Variants in SLC35A1 observed in about 807,000 individuals in gnomAD.
SLC35A1 encodes the protein CMP-sialic acid transporter.
Under a neutral mutation model 40.3 loss-of-function variants are expected in SLC35A1, and 21 were observed. The ratio of observed to expected loss-of-function variants is 0.52; its 90% CI spans 0.37 to 0.75. The LOEUF is 0.75. Ranked by LOEUF, SLC35A1 falls within the 30% of genes least tolerant of loss-of-function variation. SLC35A1 has a pLI of 0.00. For synonymous variants in SLC35A1, 146 were observed against 147.3 expected, an observed-to-expected ratio of 0.99 and a Z score of 0.06; for missense variants, 297 against 382.1, an observed-to-expected ratio of 0.78 and a Z score of 1.86.
chr6:87,496,332 A>G (rs2127972099), intron 2 of SLC35A1, among the ~76,000 whole-genome samples: 1 of 152,322 alleles, frequency 6.6e-6, no homozygotes, highest in East Asian at 1.9e-4. Context: ...CAAATAGAAA[A>G]TTTAACAAGG....
In SLC35A1 at chr6:87,509,082, A is replaced by G; in HGVS notation, c.793A>G (p.Lys265Glu). ...VGGLYTSVVV[K>E]YTDNIMKGFS... ...TGGCCTCTACACTTCTGTTGTGGTT[A>G]AGTACACAGACAACATCATGAAAGG... Residue 265 changes from lysine to glutamate, a missense_variant, in exon 7 of 8, where the codon AAG becomes GAG. Lys to Glu is a moderately conservative substitution (Grantham distance 56). Transcript: ENST00000369552. 1.2e-6 allele frequency: 2 copies of G among 1,614,024 alleles called. No homozygotes were observed. The highest frequency in any genetic ancestry group is 1.7e-6 in the Non-Finnish European group (2 of 1,179,896).
At chr6:87,487,196 A>G (rs116901217) in intron 2 of SLC35A1, among the ~76,000 whole-genome samples, 2,390 of 152,250 alleles carry the variant, frequency 0.016, 37 homozygotes, top group South Asian at 0.03. Context: ...AAAGAAAAAG[A>G]AAGTCATTAA....
At position 87,511,612 on chromosome 6, in the gene SLC35A1, C is replaced by G; in HGVS notation, c.*86C>G. 6.9e-7 allele frequency: 1 copy of G among 1,442,140 alleles called. No individual in the cohort carries two copies. The highest frequency in any genetic ancestry group is 9.8e-7 in the Non-Finnish European group (1 of 1,025,302). The allele number at this position is 1,442,140 out of a possible 1,614,324, so 89.3% of individuals were successfully genotyped here. A position where few individuals can be genotyped will look rare whatever the true frequency, so the allele number is the denominator to read the frequency against. On this transcript the variant is annotated 3_prime_UTR_variant, in exon 8 of 8. Transcript: ENST00000369552. Reference sequence around the variant, plus strand: ...AGTCAATCTCAGAAGGTAGCATAAACAAATAAAAATTAACTGTATGGCATG... The same window carrying G: ...AGTCAATCTCAGAAGGTAGCATAAAGAAATAAAAATTAACTGTATGGCATG...
intron 2 of SLC35A1, among the ~76,000 whole-genome samples, chr6:87,495,524 C>G (rs1195330964): frequency 6.6e-6 from 1 of 152,042 alleles, no homozygotes; most frequent in Non-Finnish European, 1.5e-5. Context: ...TTTTCAGTAC[C>G]CTTTTGTACC....
chr6:87,478,873 C>T (rs1055995237), intron 2 of SLC35A1, among the ~76,000 whole-genome samples: 1 of 152,134 alleles, frequency 6.6e-6, no homozygotes, highest in Non-Finnish European at 1.5e-5. Flanking sequence ...TGAGCGCACA[C>T]CTGGACAAGG....
chr6:87,505,200 A>G (rs1402907027), intron 4 of SLC35A1, among the ~76,000 whole-genome samples: 2 of 152,148 alleles, frequency 1.3e-5, no homozygotes, highest in African/African-American at 4.8e-5. Flanking sequence ...CAGGTACCAT[A>G]AAGTGGCACT....
intron 2 of SLC35A1, among the ~76,000 whole-genome samples, chr6:87,494,596 T>A (rs186867407): frequency 6.6e-6 from 1 of 152,044 alleles, no homozygotes; most frequent in Admixed American, 6.5e-5. Context: ...CTATTTTTTT[T>A]TGTATTTTTT....
At chr6:87,505,427 T>C (rs59361639) in intron 4 of SLC35A1, among the ~76,000 whole-genome samples, 4,871 of 152,352 alleles carry the variant, frequency 0.032, 107 homozygotes, top group Middle Eastern at 0.054. Context: ...AGCACTGGTC[T>C]CACACTATTT....
chr6:87,478,936 C>G (rs1340744581), intron 2 of SLC35A1, among the ~76,000 whole-genome samples: 1 of 152,118 alleles, frequency 6.6e-6, no homozygotes, highest in Non-Finnish European at 1.5e-5. Flanking sequence ...CTCTGTCGTT[C>G]CCCTATTGGC....
chr6:87,484,199 C>T (rs971805246), intron 2 of SLC35A1, among the ~76,000 whole-genome samples: 5 of 152,080 alleles, frequency 3.3e-5, no homozygotes, highest in East Asian at 1.9e-4. Flanking sequence ...TTGCACTGGG[C>T]GGGTCCTGAT....
chr6:87,491,200 C>A (rs1769542062), intron 2 of SLC35A1, among the ~76,000 whole-genome samples: 1 of 152,184 alleles, frequency 6.6e-6, no homozygotes, highest in Admixed American at 6.5e-5. Flanking sequence ...CATCCCAAAT[C>A]TGAAAACCTG....
In SLC35A1 at chr6:87,500,583, G is replaced by A; in HGVS notation, c.270G>A (p.Lys90=). ...NVLGSPKELL[K]LSVPSLVYAV... is the part of the protein sequence containing the mutation. The stretch of plus-strand genomic sequence containing the variant: ...TGGGGAGCCCCAAGGAACTGTTGAA[G>A]TTAAGTGTGCCATCGTTAGTGTATG... The change falls in exon 3 of 8, where the codon AAG becomes AAA. Residue 90 remains lysine, a synonymous_variant. Transcript: ENST00000369552. The A allele has an allele frequency of 1.2e-6, 2 of 1,614,076 alleles. No individual in the cohort carries two copies. Among genetic ancestry groups the A allele is most frequent in the Non-Finnish European group, 1.7e-6 (2 of 1,179,974 alleles).
intron 1 of SLC35A1, among the ~76,000 whole-genome samples, chr6:87,474,618 G>GA (rs1404324911): frequency 1.3e-5 from 2 of 152,154 alleles, no homozygotes; most frequent in African/African-American, 4.8e-5. Context: ...GCTAATAACT[G>GA]AAGTTTTATA....
In SLC35A1 at chr6:87,477,213, CATT is replaced by C. The variant is rs1049834960; in HGVS notation, c.17-148_17-146del. The C allele has an allele frequency of 2.9e-4, 186 of 647,876 alleles. 1 individual carries two copies. Among genetic ancestry groups the C allele is most frequent in the Middle Eastern group, 1.3e-3 (3 of 2,318 alleles). 40.1% of individuals were successfully genotyped at this position (647,876 alleles called of 1,614,324 possible). ...TGTGCACGCTCATGTAATTGGCAAA[CATT>C]GTTTTGAAAAAAATTTTTAAGCATG... On this transcript the variant is annotated intron_variant, in intron 1 of 7. Transcript: ENST00000369552.
chr6:87,508,321 C>G, intron 5 of SLC35A1, 99 bp from the exon 6 acceptor site: 10 of 806,634 alleles, frequency 1.2e-5, no homozygotes, highest in Non-Finnish European at 2.0e-5. Context: ...TTCCCCAAAT[C>G]ATATACTTTA....
chr6:87,486,713 T>C (rs937088840), intron 2 of SLC35A1, among the ~76,000 whole-genome samples: 1 of 152,170 alleles, frequency 6.6e-6, no homozygotes, highest in African/African-American at 2.4e-5. Context: ...GAGTAGACTT[T>C]AGGCAAGAAA....
At chr6:87,492,300 T>C (rs985087767) in intron 2 of SLC35A1, among the ~76,000 whole-genome samples, 1 of 152,146 alleles carries the variant, frequency 6.6e-6, no homozygotes, top group Non-Finnish European at 1.5e-5. Flanking sequence ...TACAGTTTGC[T>C]TTTAATTGTC....
chr6:87,497,929 CT>C (rs1283197411), intron 2 of SLC35A1, among the ~76,000 whole-genome samples: 2 of 149,188 alleles, frequency 1.3e-5, no homozygotes, highest in African/African-American at 5.0e-5. Flanking sequence ...GGATTTTCCT[CT>C]GTTACTTGGG....
In SLC35A1 at chr6:87,473,034, T is replaced by G. The variant is rs933158838; in HGVS notation, c.16+15T>G. 3 of 605,754 alleles carry G rather than the reference T, an allele frequency of 5.0e-6. No homozygotes were observed. The highest frequency in any genetic ancestry group is 7.7e-6 in the Non-Finnish European group (3 of 387,362). The allele number at this position is 605,754 out of a possible 1,614,324, so 37.5% of individuals were successfully genotyped here. A position where few individuals can be genotyped will look rare whatever the true frequency, so the allele number is the denominator to read the frequency against. The stretch of plus-strand genomic sequence containing the variant: ...TGCCCCGAGAGGTGAGAACTGGGTC[T>G]GCTGGGAGTGGGGAGTCCGCGGGGG... On this transcript the variant is annotated intron_variant, in intron 1 of 7. Transcript: ENST00000369552.
Sources: allele counts gnomAD v4.1 joint callset (sites outside exome capture counted in the v4.1 genomes callset), GRCh38; gene constraint gnomAD v4.1.1; transcripts MANE v1.5; gene names NCBI Gene and HGNC (gene_info 2026-07-23, HGNC 2026-07-21).